EMB: variants seen among roughly 807,000 people sequenced by gnomAD.
EMB encodes embigin homolog.
Under a neutral mutation model 41.4 loss-of-function variants are expected in EMB, and 31 were observed. That is an observed-to-expected ratio of 0.75 (90% CI 0.56 to 1.01). EMB has a LOEUF of 1.01. Among genes scored for constraint, EMB ranks in the 50% least tolerant of loss-of-function variants. The pLI is 0.00. For missense variants in EMB, 379 were observed against 388.3 expected (o/e 0.98, Z 0.20); for synonymous variants, 137 against 140.4 (o/e 0.98, Z 0.17).
chr5:50,403,926 A>G (rs952521342), intron 5 of EMB, among the ~76,000 whole-genome samples: 29 of 151,872 alleles, frequency 1.9e-4, no homozygotes, highest in African/African-American at 6.8e-4. Flanking sequence ...CCCAGGCTAG[A>G]AATGAAGATG....
At chr5:50,420,495 C>T (rs1462052100) in intron 2 of EMB, among the ~76,000 whole-genome samples, 2 of 152,206 alleles carry the variant, frequency 1.3e-5, no homozygotes, top group Non-Finnish European at 2.9e-5. Context: ...CACATGCCTC[C>T]TTTGCAGAAA....
In EMB at chr5:50,413,388, GAT is replaced by G. The variant is rs1745376151; in HGVS notation, c.197-2007_197-2006del. On this transcript the variant is annotated intron_variant, in intron 2 of 8. Transcript: ENST00000303221. ...TGAGGAAGAATACCCCACTACCTAG[GAT>G]ATAGTCTTGTTAAAAAAAGGTGCTG... Among the ~76,000 whole-genome samples, 3 of 152,054 alleles carry G rather than the reference GAT, an allele frequency of 2.0e-5. No homozygotes were observed. In the South Asian group the frequency reaches 6.2e-4, roughly 31 times the overall value.
chr5:50,400,249 A>C (rs1745139419), intron 7 of EMB, among the ~76,000 whole-genome samples: 1 of 152,014 alleles, frequency 6.6e-6, no homozygotes, highest in Non-Finnish European at 1.5e-5. Context: ...AGGTCAGCCA[A>C]CATGTGTGAT....
Position 50,396,384 on chromosome 5 carries a change from C to T in EMB, c.*2889G>A, listed in dbSNP as rs1413302534. The T allele has an allele frequency of 6.6e-6, 1 of 151,968 alleles. No homozygotes were observed. Among genetic ancestry groups the T allele is most frequent in the African/African-American group, 2.4e-5 (1 of 41,370 alleles). 9.4% of individuals were successfully genotyped at this position (151,968 alleles called of 1,614,324 possible). On this transcript the variant is annotated 3_prime_UTR_variant, in exon 9 of 9. Transcript: ENST00000303221. ...CAGTGGTAGTTACAGGACAAAGAAA[C>T]AAAATAATCCAAGAGAGAGACCAAC... is the stretch of plus-strand genomic sequence containing the variant.
intron 1 of EMB, among the ~76,000 whole-genome samples, chr5:50,438,253 C>T (rs1745837680): frequency 6.6e-6 from 1 of 152,224 alleles, no homozygotes; most frequent in Non-Finnish European, 1.5e-5. Flanking sequence ...TGGGCAATTA[C>T]ATAAGCCAAG....
intron 4 of EMB, among the ~76,000 whole-genome samples, chr5:50,409,149 C>A (rs1469812471): frequency 6.6e-6 from 1 of 152,116 alleles, no homozygotes; most frequent in Non-Finnish European, 1.5e-5. Flanking sequence ...CAGCCAAAAT[C>A]AGCTTAGTTA....
rs912567543 is a variant in EMB at position 50,396,306 on chromosome 5, T to C, written c.*2967A>G. 6.6e-6 allele frequency: 1 copy of C among 152,190 alleles called. No individual in the cohort carries two copies. Among genetic ancestry groups the C allele is most frequent in the African/African-American group, 2.4e-5 (1 of 41,456 alleles). 9.4% of individuals were successfully genotyped at this position (152,190 alleles called of 1,614,324 possible). On this transcript the variant is annotated 3_prime_UTR_variant, in exon 9 of 9. Transcript: ENST00000303221. ...GAAATTTACAAAATTTAATTTTTAT[T>C]TATACATTCATCCGTTCAATACACA... is the stretch of plus-strand genomic sequence containing the variant.
At chr5:50,403,925 G>A (rs1745208344) in intron 5 of EMB, among the ~76,000 whole-genome samples, 1 of 151,874 alleles carries the variant, frequency 6.6e-6, no homozygotes, top group South Asian at 2.1e-4. Flanking sequence ...CCCCAGGCTA[G>A]AAATGAAGAT....
At chr5:50,421,870 G>C (rs1430831891) in intron 2 of EMB, among the ~76,000 whole-genome samples, 1 of 133,474 alleles carries the variant, frequency 7.5e-6, no homozygotes, top group African/African-American at 2.8e-5. Flanking sequence ...ACAGGAAGGG[G>C]AACATCACAC....
rs567330150 is a variant in EMB at position 50,441,072 on chromosome 5, G to C, written c.80C>G (p.Ala27Gly). The change falls in exon 1 of 9, where the codon GCG becomes GGG. Residue 27 changes from alanine (A) to glycine (G), a missense_variant. Transcript: ENST00000303221. Reference protein sequence around the residue: ...LLLLQCLLAAARPSSADGSAP... With the variant: ...LLLLQCLLAAGRPSSADGSAP... ...ACTGCCGTCCGCCGAGCTTGGGCGCGCGGCAGCGAGAAGGCACTGGAGGAG... is the reference window on the plus strand; with the variant it reads ...ACTGCCGTCCGCCGAGCTTGGGCGCCCGGCAGCGAGAAGGCACTGGAGGAG... 2 of 1,512,384 alleles carry C rather than the reference G, an allele frequency of 1.3e-6. No individual in the cohort carries two copies. Among genetic ancestry groups the C allele is most frequent in the African/African-American group, 2.8e-5 (2 of 70,198 alleles). The allele number at this position is 1,512,384 out of a possible 1,614,324, so 93.7% of individuals were successfully genotyped here.
rs375129797 is a variant in EMB at position 50,402,381 on chromosome 5, G to A, written c.878-62C>T. 24 of 1,457,912 alleles carry A rather than the reference G, an allele frequency of 1.6e-5. No individual in the cohort carries two copies. In the Middle Eastern group the frequency reaches 5.2e-4, roughly 32 times the overall value. 90.3% of individuals were successfully genotyped at this position (1,457,912 alleles called of 1,614,324 possible). A position where few individuals can be genotyped will look rare whatever the true frequency, so the allele number is the denominator to read the frequency against. On this transcript the variant is annotated intron_variant, in intron 6 of 8. Coordinates refer to ENST00000303221, the MANE Select transcript of EMB (RefSeq NM_198449.3). The stretch of plus-strand genomic sequence containing the variant: ...TTTGTCACTTTTATGGAACATATAT[G>A]CTCAATTAAACCTCCTTCCTAAGTA...
rs1745649478 is a variant in EMB, at chr5:50,428,057, G to A, written c.196+87C>T. Reference sequence around the variant, plus strand: ...GGCCAGGAACAGGGATTACCACTTCGCAAAGCAAAAAGCAGTAGCTTTGTT... The same window carrying A: ...GGCCAGGAACAGGGATTACCACTTCACAAAGCAAAAAGCAGTAGCTTTGTT... On this transcript the variant is annotated intron_variant, in intron 2 of 8. Transcript: ENST00000303221. 18 of 898,908 alleles carry A rather than the reference G, an allele frequency of 2.0e-5. 1 individual carries two copies. The highest frequency in any genetic ancestry group is 1.9e-4 in the South Asian group (12 of 63,032). The allele number at this position is 898,908 out of a possible 1,614,324, so 55.7% of individuals were successfully genotyped here. A position where few individuals can be genotyped will look rare whatever the true frequency, so the allele number is the denominator to read the frequency against.
chr5:50,410,661 T>C (rs888713912), intron 4 of EMB, among the ~76,000 whole-genome samples: 2 of 152,114 alleles, frequency 1.3e-5, no homozygotes, highest in Non-Finnish European at 2.9e-5. Context: ...AACTAAAACA[T>C]GTGCTTTAAA....
intron 1 of EMB, 84 bp downstream of exon 1, chr5:50,440,956 G>T: frequency 2.0e-6 from 2 of 1,009,856 alleles, no homozygotes; most frequent in Non-Finnish European, 2.6e-6. Flanking sequence ...CTTGCCCGGC[G>T]CGCCGGCGAT....
intron 5 of EMB, among the ~76,000 whole-genome samples, chr5:50,405,381 AT>A (rs1745231053): frequency 6.6e-6 from 1 of 151,916 alleles, no homozygotes; most frequent in Non-Finnish European, 1.5e-5. Flanking sequence ...TCATGGAATG[AT>A]TTTTAAAAAG....
intron 1 of EMB, among the ~76,000 whole-genome samples, chr5:50,431,978 C>T (rs1745727568): frequency 6.6e-6 from 1 of 152,122 alleles, no homozygotes; most frequent in Non-Finnish European, 1.5e-5. Flanking sequence ...GCTAGAAGGG[C>T]ATATAATTTA....
chr5:50,426,277 C>T (rs1276617307), intron 2 of EMB, among the ~76,000 whole-genome samples: 7 of 152,184 alleles, frequency 4.6e-5, no homozygotes. Context: ...CTTTGTGCCT[C>T]TCTTTCCTCA....
chr5:50,437,043 G>A (rs946331507), intron 1 of EMB, among the ~76,000 whole-genome samples: 9 of 152,198 alleles, frequency 5.9e-5, no homozygotes, highest in African/African-American at 2.2e-4. Context: ...GGCTGAGGCA[G>A]GAAGATCGCT....
intron 2 of EMB, among the ~76,000 whole-genome samples, chr5:50,412,624 C>T (rs7725954): frequency 0.071 from 10,799 of 151,688 alleles, 1,225 homozygotes; most frequent in African/African-American, 0.24. Context: ...GTATAAGCCC[C>T]CACTTTTAAC....
Sources: allele counts gnomAD v4.1 joint callset (sites outside exome capture counted in the v4.1 genomes callset), GRCh38; gene constraint gnomAD v4.1.1; transcripts MANE v1.5; gene names NCBI Gene and HGNC (gene_info 2026-07-23, HGNC 2026-07-21).